GALNT16: variants seen among roughly 807,000 people sequenced by gnomAD.
GALNT16 encodes the protein UDP-GalNAc:polypeptide N-acetylgalactosaminyltransferase-like protein 1.
GALNT16 carries 40 observed loss-of-function variants against 76.1 expected under a neutral mutation model. The observed-to-expected ratio is 0.53, with a 90% CI of 0.41 to 0.68. The LOEUF is 0.68. Ranked by LOEUF, GALNT16 falls within the 30% of genes least tolerant of loss-of-function variation. GALNT16 has a pLI of 0.00. For missense variants in GALNT16, 621 were observed against 731.9 expected (o/e 0.85, Z 1.75); for synonymous variants, 276 against 285.2 (o/e 0.97, Z 0.32).
chr14:69,318,917 G>A (rs183982595), intron 1 of GALNT16, among the ~76,000 whole-genome samples: 5 of 152,322 alleles, frequency 3.3e-5, no homozygotes, highest in East Asian at 3.9e-4. Flanking sequence ...TCCTTCTGGC[G>A]ATCCAGGGCC....
chr14:69,325,443 C>T (rs751893845), intron 4 of GALNT16, 39 bp downstream of exon 4: 6 of 1,191,874 alleles, frequency 5.0e-6, no homozygotes, highest in African/African-American at 3.0e-5. Context: ...CTCCATTCCG[C>T]CCTCGTCCCT....
intron 1 of GALNT16, among the ~76,000 whole-genome samples, chr14:69,269,632 T>C (rs2044381849): frequency 6.7e-6 from 1 of 150,250 alleles, no homozygotes; most frequent in Non-Finnish European, 1.5e-5. Flanking sequence ...GTGTGTGGTA[T>C]GTGTGGTGTG....
intron 1 of GALNT16, among the ~76,000 whole-genome samples, chr14:69,293,429 C>A (rs2044712886): frequency 6.6e-6 from 1 of 152,192 alleles, no homozygotes; most frequent in South Asian, 2.1e-4. Flanking sequence ...TACAATTGGA[C>A]AAATTCAAGC....
At chr14:69,269,162 T>A (rs575317364) in intron 1 of GALNT16, among the ~76,000 whole-genome samples, 1 of 152,172 alleles carries the variant, frequency 6.6e-6, no homozygotes, top group Non-Finnish European at 1.5e-5. Flanking sequence ...CTCAGGATAA[T>A]GTGTGTGTAT....
chr14:69,301,763 C>A (rs1325369705), intron 1 of GALNT16, among the ~76,000 whole-genome samples: 1 of 152,098 alleles, frequency 6.6e-6, no homozygotes, highest in African/African-American at 2.4e-5. Flanking sequence ...CCAAGGCAGG[C>A]AGATGATTTG....
intron 5 of GALNT16, among the ~76,000 whole-genome samples, chr14:69,326,537 T>A (rs2045287713): frequency 1.3e-5 from 2 of 152,096 alleles, no homozygotes; most frequent in South Asian, 2.1e-4. Flanking sequence ...TGTGGTTGTG[T>A]ATGAATAGCA....
At chr14:69,349,163 G>A (rs886742215) in intron 14 of GALNT16, 1 of 152,358 alleles carries the variant, frequency 6.6e-6, no homozygotes, top group African/African-American at 2.4e-5. Flanking sequence ...GACACTTTAA[G>A]CGCTTTTGGA....
At chr14:69,289,282 T>G (rs2044659301) in intron 1 of GALNT16, among the ~76,000 whole-genome samples, 1 of 152,154 alleles carries the variant, frequency 6.6e-6, no homozygotes, top group Admixed American at 6.5e-5. Flanking sequence ...TATGTAACAC[T>G]TGAACTTGTA....
chr14:69,298,273 A>T (rs1157637097), intron 1 of GALNT16, among the ~76,000 whole-genome samples: 1 of 152,168 alleles, frequency 6.6e-6, no homozygotes, highest in Non-Finnish European at 1.5e-5. Context: ...CTTCACCTGC[A>T]TTGGCAGGAT....
At chr14:69,342,510 A>AGTGAGGGAGGG (rs2045504595) in intron 12 of GALNT16, among the ~76,000 whole-genome samples, 1 of 67,942 alleles carries the variant, frequency 1.5e-5, no homozygotes, top group African/African-American at 5.1e-5. Context: ...GGGAGGGAGG[A>AGTGAGGGAGGG]AGGAAGGGGA....
intron 12 of GALNT16, among the ~76,000 whole-genome samples, chr14:69,344,966 G>A (rs1179866262): frequency 3.3e-5 from 5 of 152,188 alleles, no homozygotes; most frequent in Non-Finnish European, 7.3e-5. Context: ...TCAGGCAGGT[G>A]ATGTCAATAA....
At chr14:69,266,201 A>C (rs2044340635) in intron 1 of GALNT16, among the ~76,000 whole-genome samples, 1 of 152,150 alleles carries the variant, frequency 6.6e-6, no homozygotes, top group African/African-American at 2.4e-5. Flanking sequence ...CTTGCTTTGT[A>C]TTCGCTCCAC....
the GALNT16 span, among the ~76,000 whole-genome samples, chr14:69,382,616 A>C: frequency 6.6e-5 from 10 of 151,968 alleles, no homozygotes; most frequent in Middle Eastern, 6.8e-3. Flanking sequence ...GGCGGGCCAC[A>C]ATGTCAAGAG....
intron 1 of GALNT16, among the ~76,000 whole-genome samples, chr14:69,269,594 TTGTA>T (rs1338250487): frequency 5.5e-5 from 8 of 146,680 alleles, no homozygotes; most frequent in Non-Finnish European, 9.0e-5. Flanking sequence ...TTTGTGGGGT[TTGTA>T]TGTATGTGTG....
intron 1 of GALNT16, among the ~76,000 whole-genome samples, chr14:69,306,479 A>G (rs1399847127): frequency 6.6e-6 from 1 of 152,234 alleles, no homozygotes; most frequent in African/African-American, 2.4e-5. Flanking sequence ...CTAGTTCCCC[A>G]CAGCCTATAT....
At chr14:69,277,291 T>A (rs1421892198) in intron 1 of GALNT16, among the ~76,000 whole-genome samples, 3 of 152,240 alleles carry the variant, frequency 2.0e-5, no homozygotes, top group African/African-American at 7.2e-5. Context: ...GTCACATATG[T>A]ATACATGTGC....
At chr14:69,262,122 C>T (rs1203157588) in intron 1 of GALNT16, among the ~76,000 whole-genome samples, 2 of 152,226 alleles carry the variant, frequency 1.3e-5, no homozygotes, top group African/African-American at 2.4e-5. Context: ...GCCCTAGTCT[C>T]AGGCAAGGCA....
the GALNT16 span, among the ~76,000 whole-genome samples, chr14:69,369,839 A>C: frequency 6.6e-6 from 1 of 152,180 alleles, no homozygotes; most frequent in African/African-American, 2.4e-5. Context: ...CCCTGAGGAC[A>C]GCTTACTTCC....
At chr14:69,350,819 T>TGGTTGCAATGGGAGGC (rs1016466877) in intron 14 of GALNT16, 7 of 152,024 alleles carry the variant, frequency 4.6e-5, no homozygotes, top group Admixed American at 4.6e-4. Context: ...AGAGGGGAGG[T>TGGTTGCAATGGGAGGC]GGTTGCAATG....
Sources: gnomAD v4.1 joint callset for allele counts (sites outside exome capture counted in the v4.1 genomes callset) on GRCh38, gnomAD v4.1.1 for gene constraint, MANE v1.5 for transcripts, NCBI Gene and HGNC (gene_info 2026-07-23, HGNC 2026-07-21) for gene names.